Variants in ECE1 observed in about 807,000 individuals in gnomAD.
ECE1 encodes endothelin converting enzyme 1, also known as endothelin-converting enzyme 1.
ECE1 carries 35 observed loss-of-function variants against 98.6 expected under a neutral mutation model. The observed-to-expected ratio is 0.35, with a 90% CI of 0.27 to 0.47. The LOEUF (loss-of-function observed/expected upper bound fraction) is 0.47. Ranked by LOEUF, ECE1 falls within the 20% of genes least tolerant of loss-of-function variation. The pLI is 1.00. For synonymous variants in ECE1, 394 were observed against 407.1 expected (o/e 0.97, Z 0.39); for missense variants, 814 against 1,025.3 (o/e 0.79, Z 2.81).
At position 21,290,455 on chromosome 1, in the gene ECE1, G is replaced by A; in HGVS notation, c.-41C>T. 1 of 1,228,476 alleles carries A rather than the reference G, an allele frequency of 8.1e-7. No homozygotes were observed. The highest frequency in any genetic ancestry group is 1.6e-5 in the African/African-American group (1 of 64,268). 76.1% of individuals were successfully genotyped at this position (1,228,476 alleles called of 1,614,324 possible). ...CCTGGTCCCGCTGCCCGGGTGGCCGGGATGGGATGGGCCGGGCCAGGCGTT... is the reference window on the plus strand; with the variant it reads ...CCTGGTCCCGCTGCCCGGGTGGCCGAGATGGGATGGGCCGGGCCAGGCGTT... On this transcript the variant is annotated 5_prime_UTR_variant, in exon 1 of 19. Transcript: ENST00000374893. The surrounding 1 kb of genome is among the most constrained non-coding windows in gnomAD (Gnocchi z 7.3).
In ECE1 at chr1:21,325,018, G is replaced by A. The variant is rs557224213; in HGVS notation, c.3+20358C>T. Among the ~76,000 whole-genome samples, 6 of 152,322 alleles carry A rather than the reference G, an allele frequency of 3.9e-5. No individual in the cohort carries two copies. The East Asian group carries it at 9.6e-4, about 24-fold the overall frequency. ...ATGGAGGTATCAGAGGTCGCCAGGA[G>A]GAAAGCACACATGTTTTGTTGTGGG... On this transcript the variant is annotated intron_variant, in intron 1 of 18. Coordinates refer to the ECE1 transcript ENST00000415912.
intron 8 of ECE1, among the ~76,000 whole-genome samples, chr1:21,250,932 G>A (rs548045686): frequency 2.6e-5 from 4 of 152,290 alleles, no homozygotes; most frequent in Admixed American, 6.5e-5. Flanking sequence ...GCATGAACCC[G>A]GGAGGCAGAG....
chr1:21,345,329 G>A lies in ECE1; in HGVS notation c.3+47C>T, dbSNP rs939435318. 25 of 1,349,444 alleles carry A rather than the reference G, an allele frequency of 1.9e-5. No homozygotes were observed. The African/African-American group carries it at 3.0e-4, about 16-fold the overall frequency. The allele number at this position is 1,349,444 out of a possible 1,614,324, so 83.6% of individuals were successfully genotyped here. On this transcript the variant is annotated intron_variant, in intron 1 of 18. Coordinates refer to the ECE1 transcript ENST00000415912. This position sits in a 1 kb window ranked among gnomAD's most constrained non-coding sequence, Gnocchi z 5.1. ...ACCCGCGGCACCGCTGCCCGCGACC[G>A]TCGAGGCTGGGCTGGACCGGACCAG...
In ECE1 at chr1:21,217,855, G is replaced by A. The variant is rs565115846; in HGVS notation, c.*2100C>T. On this transcript the variant is annotated 3_prime_UTR_variant, in exon 19 of 19. Transcript: ENST00000374893. ...TCTCGATACCCTGCACCAGCTTGGA[G>A]GCAGATCCCAAGGTGGCAGGGGTGT... is the stretch of plus-strand genomic sequence containing the variant. 2 of 152,566 alleles carry A rather than the reference G, an allele frequency of 1.3e-5. No homozygotes were observed. Among genetic ancestry groups the A allele is most frequent in the African/African-American group, 4.8e-5 (2 of 41,586 alleles). 9.5% of individuals were successfully genotyped at this position (152,566 alleles called of 1,614,324 possible).
Position 21,236,052 on chromosome 1 carries a change from C to T in ECE1, c.1489-125G>A, listed in dbSNP as rs2098187595. ...AGAGCCAGGCCCTGCCTGCCTTGGGCTTTCATGTCTTTTTCTGGAAAGGTT... is the reference window on the plus strand; with the variant it reads ...AGAGCCAGGCCCTGCCTGCCTTGGGTTTTCATGTCTTTTTCTGGAAAGGTT... On this transcript the variant is annotated intron_variant, in intron 12 of 18. Transcript: ENST00000374893. 1.4e-4 allele frequency: 122 copies of T among 876,896 alleles called. No homozygotes were observed. The South Asian group carries it at 1.6e-3, about 12-fold the overall frequency. The allele number at this position is 876,896 out of a possible 1,614,324, so 54.3% of individuals were successfully genotyped here.
In ECE1 at chr1:21,290,166, C is replaced by A; in HGVS notation, c.52-10G>T. ...GCTTGTACGTCGACATCTGCAAGGCCAAATGCAGCACGGACTCCCTCAGCG... is the reference window on the plus strand; with the variant it reads ...GCTTGTACGTCGACATCTGCAAGGCAAAATGCAGCACGGACTCCCTCAGCG... On this transcript the variant is annotated splice_polypyrimidine_tract_variant and intron_variant, in intron 1 of 18. Transcript: ENST00000374893. The surrounding 1 kb of genome is among the most constrained non-coding windows in gnomAD (Gnocchi z 7.3). 1 of 1,557,418 alleles carries A rather than the reference C, an allele frequency of 6.4e-7. No individual in the cohort carries two copies. The highest frequency in any genetic ancestry group is 8.7e-7 in the Non-Finnish European group (1 of 1,154,484).
intron 1 of ECE1, among the ~76,000 whole-genome samples, chr1:21,315,723 G>C (rs1403189840): frequency 1.3e-5 from 2 of 151,260 alleles, no homozygotes; most frequent in Non-Finnish European, 2.9e-5. Context: ...GAACCCAGGA[G>C]GCAGAGGTTG....
chr1:21,342,891 G>GTCAACAATCC (rs1639429417), intron 1 of ECE1, among the ~76,000 whole-genome samples: 1 of 152,164 alleles, frequency 6.6e-6, no homozygotes, highest in African/African-American at 2.4e-5. Context: ...TGCACCGCCG[G>GTCAACAATCC]TCAACAATCC....
At chr1:21,335,479 G>A (rs577769644) in intron 1 of ECE1, among the ~76,000 whole-genome samples, 2 of 152,138 alleles carry the variant, frequency 1.3e-5, no homozygotes, top group African/African-American at 2.4e-5. Context: ...AGATGAGGAC[G>A]CTGCAGCCCT....
intron 1 of ECE1, among the ~76,000 whole-genome samples, chr1:21,305,681 C>T (rs1323980757): frequency 6.6e-6 from 1 of 152,090 alleles, no homozygotes; most frequent in Non-Finnish European, 1.5e-5. Context: ...TGAGAGTGGC[C>T]TCTGGAAAGG....
chr1:21,300,858 C>G (rs1638468028), intron 1 of ECE1, among the ~76,000 whole-genome samples: 1 of 152,180 alleles, frequency 6.6e-6, no homozygotes, highest in Non-Finnish European at 1.5e-5. Context: ...TGCTCAACAT[C>G]CAGCTACTGA....
intron 17 of ECE1, among the ~76,000 whole-genome samples, chr1:21,222,534 T>C (rs1194666833): frequency 6.6e-6 from 1 of 152,118 alleles, no homozygotes; most frequent in African/African-American, 2.4e-5. Context: ...TCAATTCTGC[T>C]ATTGCAGCAT....
intron 8 of ECE1, 140 bp from the exon 9 acceptor site, chr1:21,247,503 C>G (rs148263663): frequency 1.2e-5 from 15 of 1,232,666 alleles, no homozygotes; most frequent in Non-Finnish European, 1.7e-5. Context: ...GAGAGTCAAG[C>G]GGAGCCTGGC....
At chr1:21,308,625 G>A (rs987840474) in intron 1 of ECE1, among the ~76,000 whole-genome samples, 7 of 152,140 alleles carry the variant, frequency 4.6e-5, no homozygotes, top group Admixed American at 6.5e-5. Context: ...GTGACCTCAA[G>A]CAAGTTACTT....
In ECE1 at chr1:21,260,367, C is replaced by T. The variant is rs1260111816; in HGVS notation, c.519G>A (p.Glu173=). The T allele has an allele frequency of 7.4e-6, 12 of 1,614,246 alleles. No individual in the cohort carries two copies. The East Asian group carries it at 2.7e-4, about 36-fold the overall frequency. Reference sequence around the variant, plus strand: ...AGTATACTTGCGCCTTTCTCTCTGCCTCGCTCACGCTGGCCGTGGAGTTTT... The same window carrying T: ...AGTATACTTGCGCCTTTCTCTCTGCTTCGCTCACGCTGGCCGTGGAGTTTT... ...LLENSTASVS[E]AERKAQVYYR... Residue 173 remains glutamate (E), a synonymous_variant, in exon 5 of 19, where the codon GAG becomes GAA. Transcript: ENST00000374893. The surrounding 1 kb of genome is among the most constrained non-coding windows in gnomAD (Gnocchi z 4.3).
intron 8 of ECE1, among the ~76,000 whole-genome samples, chr1:21,251,330 T>C (rs1226194884): frequency 6.6e-6 from 1 of 151,912 alleles, no homozygotes; most frequent in African/African-American, 2.4e-5. Flanking sequence ...CTGGCCAACA[T>C]GATGAAACCC....
intron 1 of ECE1, among the ~76,000 whole-genome samples, chr1:21,336,840 T>A (rs977518179): frequency 6.6e-6 from 1 of 151,570 alleles, no homozygotes; most frequent in Non-Finnish European, 1.5e-5. Flanking sequence ...GAGACTCCAG[T>A]GTGGGGGACA....
rs981927466 is a variant in ECE1, at chr1:21,258,399, G to T, written c.762+294C>A. Among the ~76,000 whole-genome samples the T allele has an allele frequency of 5.3e-5, 8 of 152,196 alleles. No individual in the cohort carries two copies. The highest frequency in any genetic ancestry group is 1.9e-4 in the African/African-American group (8 of 41,452). On this transcript the variant is annotated intron_variant, in intron 6 of 18. Transcript: ENST00000374893. The surrounding 1 kb of genome is among the most constrained non-coding windows in gnomAD (Gnocchi z 4.2). The stretch of plus-strand genomic sequence containing the variant: ...AGAGTTACAAAGAGCAGACGCTAAG[G>T]AGGGGGAAACCAGGATGTGGGTTCA...
At position 21,272,904 on chromosome 1, in the gene ECE1, G is replaced by A. The variant is rs1290771353; in HGVS notation, c.288C>T (p.Pro96=). 1 of 1,614,020 alleles carries A rather than the reference G, an allele frequency of 6.2e-7. No homozygotes were observed. Among genetic ancestry groups the A allele is most frequent in the Non-Finnish European group, 8.5e-7 (1 of 1,179,988 alleles). ...CACAAGCTTCGCTCAGGCACACAGA[G>A]GGGGATCCTGGAAGGGTTAAGGACA... ...ALGIQYQTRS[P]SVCLSEACVS... The change falls in exon 4 of 19, where the codon CCC becomes CCT. Residue 96 remains proline, a synonymous_variant. Transcript: ENST00000374893.
Sources: gnomAD v4.1 joint callset for allele counts (sites outside exome capture counted in the v4.1 genomes callset) on GRCh38, gnomAD v4.1.1 for gene constraint, Gnocchi (gnomAD v3.1) non-coding constraint, MANE v1.5 for transcripts, NCBI Gene and HGNC (gene_info 2026-07-23, HGNC 2026-07-21) for gene names.